Variants in IGFBP7 observed in about 807,000 individuals in gnomAD.
The protein encoded by IGFBP7 is insulin like growth factor binding protein 7, also known as insulin-like growth factor-binding protein 7.
In IGFBP7, 31 loss-of-function variants were observed where a neutral mutation model predicts 29.4. The ratio of observed to expected loss-of-function variants is 1.05; its 90% CI spans 0.79 to 1.42. The LOEUF (loss-of-function observed/expected upper bound fraction) is 1.42, where lower values mean the gene tolerates loss of function less well. Ranked by LOEUF, IGFBP7 falls within the 40% of genes most tolerant of loss-of-function variation. The pLI is 0.00. For synonymous variants in IGFBP7, 172 were observed against 174.9 expected, an observed-to-expected ratio of 0.98 and a Z score of 0.13; for missense variants, 393 against 395.5, an observed-to-expected ratio of 0.99 and a Z score of 0.05.
intron 1 of IGFBP7, among the ~76,000 whole-genome samples, chr4:57,088,744 G>C (rs1173033588): frequency 6.6e-6 from 1 of 152,010 alleles, no homozygotes; most frequent in Non-Finnish European, 1.5e-5. Flanking sequence ...GGAGCAACTT[G>C]CTGGCTGGGC....
chr4:57,101,217 T>A (rs1560509498), intron 1 of IGFBP7, among the ~76,000 whole-genome samples: 4 of 152,256 alleles, frequency 2.6e-5, no homozygotes, highest in Non-Finnish European at 5.9e-5. Context: ...TTGAGGGGGT[T>A]GTTTTTTCAC....
rs780015599 is a variant in IGFBP7, at chr4:57,043,822, CAA to C, written c.476-2891_476-2890del. Among the ~76,000 whole-genome samples, 600 of 152,296 alleles carry C rather than the reference CAA, an allele frequency of 3.9e-3. 2 individuals are homozygous for C. The highest frequency in any genetic ancestry group is 6.1e-3 in the Non-Finnish European group (418 of 68,014). ...CAGACATTTCCTAGTCTGGATGCAG[CAA>C]TACAGAACCCTGCAAAGGGCTGGGC... On this transcript the variant is annotated intron_variant, in intron 1 of 4. Transcript: ENST00000295666.
At chr4:57,071,240 G>A (rs1725046124) in intron 1 of IGFBP7, among the ~76,000 whole-genome samples, 1 of 152,194 alleles carries the variant, frequency 6.6e-6, no homozygotes, top group Non-Finnish European at 1.5e-5. Context: ...TACAAAGAAT[G>A]TTCCTCCTGC....
chr4:57,061,559 G>A (rs1232749830), intron 1 of IGFBP7, among the ~76,000 whole-genome samples: 1 of 152,190 alleles, frequency 6.6e-6, no homozygotes, highest in African/African-American at 2.4e-5. Flanking sequence ...AGTGGGTGGT[G>A]TTGACAGCGT....
At chr4:57,047,060 G>A (rs895720117) in intron 1 of IGFBP7, among the ~76,000 whole-genome samples, 1 of 152,172 alleles carries the variant, frequency 6.6e-6, no homozygotes. Context: ...ATTCCTTGAA[G>A]GGAAAGAAGG....
At chr4:57,079,462 C>T (rs1725310493) in intron 1 of IGFBP7, among the ~76,000 whole-genome samples, 1 of 152,152 alleles carries the variant, frequency 6.6e-6, no homozygotes, top group South Asian at 2.1e-4. Context: ...CACGGTCCTC[C>T]TTTGCAGAGG....
intron 1 of IGFBP7, among the ~76,000 whole-genome samples, chr4:57,078,941 T>A (rs1256529841): frequency 6.6e-6 from 1 of 152,168 alleles, no homozygotes; most frequent in Non-Finnish European, 1.5e-5. Flanking sequence ...CTGAGCTGGC[T>A]CCCGTCCACA....
chr4:57,040,049 AT>A (rs1320526694), intron 2 of IGFBP7, among the ~76,000 whole-genome samples: 2 of 151,924 alleles, frequency 1.3e-5, no homozygotes, highest in South Asian at 2.1e-4. Context: ...GAAAGGAGAC[AT>A]TTTTTTCTTT....
chr4:57,036,682 A>T (rs1370447224), intron 2 of IGFBP7, among the ~76,000 whole-genome samples: 1 of 152,118 alleles, frequency 6.6e-6, no homozygotes, highest in Non-Finnish European at 1.5e-5. Flanking sequence ...GAAAGTAAAG[A>T]CCACTCGCCA....
chr4:57,064,742 C>T (rs1234920525), intron 1 of IGFBP7, among the ~76,000 whole-genome samples: 1 of 152,188 alleles, frequency 6.6e-6, no homozygotes, highest in Non-Finnish European at 1.5e-5. Flanking sequence ...GACCAAATCT[C>T]TTATATAAGA....
At chr4:57,083,964 C>T (rs1218067481) in intron 1 of IGFBP7, among the ~76,000 whole-genome samples, 2 of 151,626 alleles carry the variant, frequency 1.3e-5, no homozygotes, top group Non-Finnish European at 2.9e-5. Flanking sequence ...GCAAACTGAC[C>T]CTAAAGTTTG....
intron 1 of IGFBP7, among the ~76,000 whole-genome samples, chr4:57,088,291 A>G (rs5002004): frequency 0.84 from 128,179 of 152,206 alleles, 54,128 homozygotes; most frequent in Middle Eastern, 0.92. Context: ...AGTGCTTTTT[A>G]CAGCACTATT....
intron 1 of IGFBP7, among the ~76,000 whole-genome samples, chr4:57,043,913 G>A (rs1357739050): frequency 6.6e-6 from 1 of 152,216 alleles, no homozygotes; most frequent in Admixed American, 6.5e-5. Flanking sequence ...CCACAGAGCC[G>A]GATCTGGCTG....
At chr4:57,033,117 A>G (rs1423391973) in intron 3 of IGFBP7, 78 bp downstream of exon 3, 5 of 990,752 alleles carry the variant, frequency 5.0e-6, no homozygotes, top group African/African-American at 1.6e-5. Context: ...CTGGCGGTAC[A>G]TCAGGCACCT....
In IGFBP7 at chr4:57,091,311, ATGAG is replaced by A. The variant is rs531594734; in HGVS notation, c.475+18562_475+18565del. On this transcript the variant is annotated intron_variant, in intron 1 of 4. Transcript: ENST00000295666. ...GAATGGAAGAACCATGAATGAATGA[ATGAG>A]TGAGTGAAGCATATTTATGTTTAAC... Among the ~76,000 whole-genome samples, 44 of 152,358 alleles carry A rather than the reference ATGAG, an allele frequency of 2.9e-4. No homozygotes were observed. In the South Asian group the frequency reaches 6.0e-3, roughly 21 times the overall value.
chr4:57,069,434 AAC>A (rs1398085885), intron 1 of IGFBP7, among the ~76,000 whole-genome samples: 1 of 152,140 alleles, frequency 6.6e-6, no homozygotes, highest in East Asian at 1.9e-4. Context: ...CAAAAAATAA[AAC>A]AAAAAATAAA....
chr4:57,080,772 G>A (rs1455524601), intron 1 of IGFBP7, among the ~76,000 whole-genome samples: 1 of 152,140 alleles, frequency 6.6e-6, no homozygotes, highest in Non-Finnish European at 1.5e-5. Context: ...TGCCTACCGT[G>A]CACACCGATC....
intron 1 of IGFBP7, among the ~76,000 whole-genome samples, chr4:57,100,148 G>A (rs1464113393): frequency 7.2e-6 from 1 of 138,408 alleles, no homozygotes; most frequent in Non-Finnish European, 1.5e-5. Flanking sequence ...ATAGCCTCCT[G>A]CAGCCTTGAT....
chr4:57,101,265 T>C (rs1725889792), intron 1 of IGFBP7, among the ~76,000 whole-genome samples: 1 of 152,242 alleles, frequency 6.6e-6, no homozygotes, highest in Non-Finnish European at 1.5e-5. Flanking sequence ...GGGTTGGCCT[T>C]GGCCTTGTCA....
Sources: gnomAD v4.1 joint callset for allele counts (sites outside exome capture counted in the v4.1 genomes callset) on GRCh38, gnomAD v4.1.1 for gene constraint, MANE v1.5 for transcripts, NCBI Gene and HGNC (gene_info 2026-07-23, HGNC 2026-07-21) for gene names.